Variants in PAK4 observed in about 807,000 individuals in gnomAD.
The protein encoded by PAK4 is p21 (RAC1) activated kinase 4, also known as serine/threonine-protein kinase PAK 4.
A neutral mutation model predicts 53.5 loss-of-function variants in PAK4; 49 were observed. That is an observed-to-expected ratio of 0.92 (90% CI 0.73 to 1.16). The LOEUF (loss-of-function observed/expected upper bound fraction) is 1.16. Among genes scored for constraint, PAK4 ranks in the 50% most tolerant of loss-of-function variants. The pLI is 0.00. For missense variants in PAK4, 824 were observed against 850.7 expected, an observed-to-expected ratio of 0.97 and a Z score of 0.39; for synonymous variants, 376 against 375.6, an observed-to-expected ratio of 1.00 and a Z score of -0.01.
chr19:39,137,957 T>C (rs975837852), intron 1 of PAK4, among the ~76,000 whole-genome samples: 40 of 150,812 alleles, frequency 2.7e-4, no homozygotes, highest in Non-Finnish European at 1.0e-4. Context: ...GGAGCCACTG[T>C]GCCTAGTGTC....
At chr19:39,145,322 C>T (rs970142757) in intron 1 of PAK4, among the ~76,000 whole-genome samples, 2 of 152,186 alleles carry the variant, frequency 1.3e-5, no homozygotes, top group East Asian at 3.9e-4. Context: ...TTTTAAACTG[C>T]GTGTAAATGG....
At chr19:39,158,126 T>C (rs897008311) in intron 1 of PAK4, among the ~76,000 whole-genome samples, 1 of 151,152 alleles carries the variant, frequency 6.6e-6, no homozygotes, top group Non-Finnish European at 1.5e-5. Flanking sequence ...TGTGAGTGCG[T>C]GCGTGCATGT....
chr19:39,170,185 C>T (rs866023368), intron 2 of PAK4, among the ~76,000 whole-genome samples: 4 of 152,018 alleles, frequency 2.6e-5, no homozygotes, highest in Admixed American at 1.3e-4. Flanking sequence ...TGGGGGAGCC[C>T]GGAGGAGGCA....
chr19:39,132,059 C>A (rs899934146), intron 1 of PAK4, among the ~76,000 whole-genome samples: 1 of 152,190 alleles, frequency 6.6e-6, no homozygotes, highest in East Asian at 1.9e-4. Flanking sequence ...CCGTAGTGAG[C>A]TGTAATAACC....
intron 6 of PAK4, 117 bp from the exon 8 acceptor site, chr19:39,176,473 C>A (rs2144877901): frequency 1.4e-6 from 2 of 1,383,922 alleles, no homozygotes; most frequent in Non-Finnish European, 1.0e-6. Flanking sequence ...TAGACCCCAG[C>A]TCTGACCTCT....
intron 1 of PAK4, among the ~76,000 whole-genome samples, chr19:39,147,101 T>C (rs1318718965): frequency 2.0e-5 from 3 of 150,772 alleles, no homozygotes; most frequent in Non-Finnish European, 3.0e-5. Context: ...AATGACAATG[T>C]CATTGACATT....
At chr19:39,154,801 A>C in intron 1 of PAK4, among the ~76,000 whole-genome samples, 3 of 136,938 alleles carry the variant, frequency 2.2e-5, no homozygotes, top group Non-Finnish European at 4.8e-5. Context: ...CAAATGCCCC[A>C]CCCCCCACCC....
intron 1 of PAK4, among the ~76,000 whole-genome samples, chr19:39,151,406 G>A (rs954515393): frequency 3.3e-5 from 5 of 152,260 alleles, no homozygotes; most frequent in Admixed American, 1.3e-4. Context: ...TGGCACCGCC[G>A]AGGGGCTGTG....
At chr19:39,151,798 ACT>A (rs779331122) in intron 1 of PAK4, among the ~76,000 whole-genome samples, 20 of 152,160 alleles carry the variant, frequency 1.3e-4, no homozygotes, top group Admixed American at 7.2e-4. Context: ...TTTGAGATGG[ACT>A]CTCTGTCACC....
chr19:39,137,695 C>T (rs2073840808), intron 1 of PAK4, among the ~76,000 whole-genome samples: 1 of 149,694 alleles, frequency 6.7e-6, no homozygotes, highest in African/African-American at 2.5e-5. Flanking sequence ...GAGACAGAGT[C>T]TCACTCTGTC....
At chr19:39,166,485 G>A (rs555698836) in intron 1 of PAK4, among the ~76,000 whole-genome samples, 10 of 152,290 alleles carry the variant, frequency 6.6e-5, no homozygotes, top group South Asian at 2.1e-4. Context: ...TACTATTATC[G>A]CCGTCTTTGA....
chr19:39,146,257 G>A (rs1041738871), intron 1 of PAK4, among the ~76,000 whole-genome samples: 20 of 152,148 alleles, frequency 1.3e-4, no homozygotes, highest in African/African-American at 4.1e-4. Context: ...ACCTTGGAAA[G>A]CACAGGCCAG....
intron 1 of PAK4, among the ~76,000 whole-genome samples, chr19:39,155,106 C>T (rs904717419): frequency 3.3e-5 from 5 of 152,144 alleles, no homozygotes; most frequent in Admixed American, 1.3e-4. Flanking sequence ...TGTGCCGGGG[C>T]GCTTGCTCAC....
intron 1 of PAK4, among the ~76,000 whole-genome samples, chr19:39,154,371 T>C (rs563031355): frequency 6.6e-6 from 1 of 152,248 alleles, no homozygotes; most frequent in African/African-American, 2.4e-5. Context: ...ATTTCTCTTG[T>C]TTTTTTAAAA....
chr19:39,174,146 C>T, intron 4 of PAK4, 136 bp downstream of exon 5: 1 of 650,916 alleles, frequency 1.5e-6, no homozygotes, highest in African/African-American at 1.8e-5. Flanking sequence ...TTCTCCCTCC[C>T]CAGGCCGTCT....
intron 1 of PAK4, 45 bp from the exon 2 acceptor site, chr19:39,168,177 CAAATGAAT>C (rs1445765462): frequency 1.3e-5 from 2 of 152,264 alleles, no homozygotes; most frequent in Non-Finnish European, 2.9e-5. Context: ...GAGTTATTCC[CAAATGAAT>C]GAATGAATGA....
intron 1 of PAK4, among the ~76,000 whole-genome samples, chr19:39,167,834 G>A (rs1017352905): frequency 1.3e-5 from 2 of 152,236 alleles, no homozygotes; most frequent in African/African-American, 4.8e-5. Flanking sequence ...GGGGCTACGT[G>A]CATCTGCGCG....
intron 1 of PAK4, among the ~76,000 whole-genome samples, chr19:39,158,230 CAT>C (rs1491534791): frequency 1.3e-5 from 2 of 151,468 alleles, no homozygotes; most frequent in South Asian, 4.2e-4. Context: ...CGTGTGTGTG[CAT>C]GTGTGTGCGC....
At chr19:39,135,106 A>G (rs1016165079) in intron 1 of PAK4, 3 of 152,120 alleles carry the variant, frequency 2.0e-5, no homozygotes, top group Admixed American at 6.5e-5. Flanking sequence ...GTATCCTCCT[A>G]GCGGTGGTGA....
Sources: allele counts gnomAD v4.1 joint callset (sites outside exome capture counted in the v4.1 genomes callset), GRCh38; gene constraint gnomAD v4.1.1; transcripts MANE v1.5; gene names NCBI Gene and HGNC (gene_info 2026-07-23, HGNC 2026-07-21).